Variants in PAK3 observed in about 807,000 individuals in gnomAD.
The protein encoded by PAK3 is serine/threonine-protein kinase PAK 3.
In PAK3, 4 loss-of-function variants were observed where a neutral mutation model predicts 41.0. The ratio of observed to expected loss-of-function variants is 0.10; its 90% CI spans 0.05 to 0.22. The LOEUF is 0.22. Among genes scored for constraint, PAK3 ranks in the 10% least tolerant of loss-of-function variants. The probability of loss-of-function intolerance (pLI) is 1.00; values close to 1 mark genes in which losing one functional copy is unlikely to be tolerated. For synonymous variants in PAK3, 146 were observed against 139.6 expected (o/e 1.05, Z -0.32); for missense variants, 205 against 409.9 (o/e 0.50, Z 4.32).
intron 1 of PAK3, among the ~76,000 whole-genome samples, chrX:110,994,313 G>A (rs1029212477): frequency 1.8e-5 from 2 of 111,748 alleles, no homozygotes; most frequent in Admixed American, 1.9e-4. Context: ...ACTCATCATG[G>A]TTTGAGTTTG....
intron 4 of PAK3, among the ~76,000 whole-genome samples, chrX:111,104,885 CA>C (rs1365690541): frequency 3.6e-5 from 4 of 111,668 alleles, no homozygotes; most frequent in African/African-American, 1.3e-4. Flanking sequence ...TTGCCTGTAA[CA>C]GAAGACATGC....
chrX:110,962,970 C>T (rs1161528698), intron 1 of PAK3, among the ~76,000 whole-genome samples: 1 of 111,432 alleles, frequency 9.0e-6, no homozygotes, highest in Non-Finnish European at 1.9e-5. Flanking sequence ...TTGATGTGAC[C>T]TTTTGTGTGT....
At chrX:111,218,128 A>G (rs2094897884) in intron 17 of PAK3, among the ~76,000 whole-genome samples, 1 of 111,869 alleles carries the variant, frequency 8.9e-6, no homozygotes, top group Non-Finnish European at 1.9e-5. Context: ...TGCCATTTTC[A>G]AGATTAGAAA....
chrX:111,188,650 C>T (rs780614607), intron 11 of PAK3, among the ~76,000 whole-genome samples: 2 of 111,417 alleles, frequency 1.8e-5, no homozygotes, highest in African/African-American at 6.5e-5. Context: ...TTCGGTGTAC[C>T]AGTCATCCCC....
intron 16 of PAK3, among the ~76,000 whole-genome samples, chrX:111,207,105 TATATAC>T (rs1412161707): frequency 1.9e-5 from 2 of 103,983 alleles, no homozygotes; most frequent in Non-Finnish European, 3.8e-5. Context: ...TGTGTATATA[TATATAC>T]ATATATACAT....
chrX:111,219,023 C>G (rs183457700), intron 17 of PAK3, among the ~76,000 whole-genome samples: 8 of 108,462 alleles, frequency 7.4e-5, no homozygotes, highest in Admixed American at 2.0e-4. Context: ...AATGCTGCCT[C>G]TACTAAAAAT....
chrX:111,059,667 G>T lies in PAK3; in HGVS notation c.-27-63410G>T, dbSNP rs780172140. Among the ~76,000 whole-genome samples the T allele has an allele frequency of 2.7e-5, 3 of 111,461 alleles. No homozygotes were observed. The East Asian group carries it at 8.5e-4, about 31-fold the overall frequency. On this transcript the variant is annotated intron_variant, in intron 1 of 14. Transcript: ENST00000425146. ...CAACTCTTGCACTCCTTTGCTTAAAGTTATTCCCATGTATTTTATAATTTT... is the reference window on the plus strand; with the variant it reads ...CAACTCTTGCACTCCTTTGCTTAAATTTATTCCCATGTATTTTATAATTTT...
At chrX:110,972,721 T>C (rs932401151) in intron 1 of PAK3, among the ~76,000 whole-genome samples, 1 of 111,523 alleles carries the variant, frequency 9.0e-6, no homozygotes. Flanking sequence ...CTTTCATGAG[T>C]TGACAGAAGT....
chrX:111,115,507 C>A (rs1248808885), intron 4 of PAK3, among the ~76,000 whole-genome samples: 2 of 111,593 alleles, frequency 1.8e-5, no homozygotes, highest in African/African-American at 6.5e-5. Context: ...TGTCATGTTT[C>A]ATTCTTCCTT....
intron 1 of PAK3, among the ~76,000 whole-genome samples, chrX:111,052,707 A>G (rs1209107590): frequency 1.8e-5 from 2 of 112,432 alleles, no homozygotes; most frequent in African/African-American, 3.2e-5. Context: ...TCTGTTAACC[A>G]ATACACTGTA....
In PAK3 at chrX:111,064,212, G is replaced by A. The variant is rs745797779; in HGVS notation, c.-27-58865G>A. On this transcript the variant is annotated intron_variant, in intron 1 of 14. Coordinates refer to the PAK3 transcript ENST00000425146. ...ATTTGAAGAAAGAGGATGATACTGC[G>A]AATCATATATCTTTCCACAGGACTC... is the stretch of plus-strand genomic sequence containing the variant. Among the ~76,000 whole-genome samples the A allele has an allele frequency of 1.3e-3, 142 of 112,147 alleles. 2 individuals carry two copies. The highest frequency in any genetic ancestry group is 4.3e-3 in the African/African-American group (134 of 30,902).
intron 11 of PAK3, among the ~76,000 whole-genome samples, chrX:111,177,646 T>C (rs377192538): frequency 1.8e-5 from 2 of 112,144 alleles, no homozygotes; most frequent in African/African-American, 6.5e-5. Context: ...GAATCTTCAC[T>C]TTCTAGAATA....
At chrX:110,970,013 C>T (rs894795572) in intron 1 of PAK3, among the ~76,000 whole-genome samples, 4 of 111,983 alleles carry the variant, frequency 3.6e-5, no homozygotes, top group African/African-American at 6.5e-5. Flanking sequence ...CTTTACATTT[C>T]AACATACAAG....
chrX:111,049,929 G>A (rs1290027677), intron 1 of PAK3, among the ~76,000 whole-genome samples: 2 of 111,307 alleles, frequency 1.8e-5, no homozygotes, highest in Non-Finnish European at 3.8e-5. Flanking sequence ...GCCTCAGTGT[G>A]AGTTTAGAAT....
chrX:111,041,340 C>T (rs1437723466), intron 1 of PAK3, among the ~76,000 whole-genome samples: 1 of 111,740 alleles, frequency 8.9e-6, no homozygotes, highest in Non-Finnish European at 1.9e-5. Flanking sequence ...TCCTTAGGGA[C>T]AGTCCTGGGG....
intron 1 of PAK3, among the ~76,000 whole-genome samples, chrX:111,089,035 G>A (rs2092910704): frequency 9.0e-6 from 1 of 111,452 alleles, no homozygotes. Flanking sequence ...TATTAATAAT[G>A]TTGCTCCTCT....
At chrX:111,179,295 G>A (rs1011265100) in intron 11 of PAK3, among the ~76,000 whole-genome samples, 6 of 109,459 alleles carry the variant, frequency 5.5e-5, no homozygotes, top group African/African-American at 1.3e-4. Flanking sequence ...AATTCTGTTC[G>A]TGGATATTTA....
chrX:110,947,520 C>A (rs2090644187), intron 1 of PAK3, among the ~76,000 whole-genome samples: 1 of 111,622 alleles, frequency 9.0e-6, no homozygotes, highest in African/African-American at 3.3e-5. Context: ...GGGCACACCT[C>A]TCCCCATCCA....
intron 1 of PAK3, among the ~76,000 whole-genome samples, chrX:110,982,850 C>T (rs1314765115): frequency 9.1e-6 from 1 of 110,405 alleles, no homozygotes; most frequent in Non-Finnish European, 1.9e-5. Flanking sequence ...TTCATTCCTC[C>T]GAAGCCTTTC....
Sources: allele counts gnomAD v4.1 joint callset (sites outside exome capture counted in the v4.1 genomes callset), GRCh38; gene constraint gnomAD v4.1.1; transcripts MANE v1.5; gene names NCBI Gene and HGNC (gene_info 2026-07-23, HGNC 2026-07-21).